CMKLR2: variants seen among roughly 807,000 people sequenced by gnomAD.
CMKLR2 encodes the protein chemerin chemokine-like receptor 2.
CMKLR2 carries 18 observed loss-of-function variants against 23.0 expected under a neutral mutation model. The ratio of observed to expected loss-of-function variants is 0.78; its 90% CI spans 0.54 to 1.16. The LOEUF is 1.16. CMKLR2 is among the 50% of genes most tolerant of loss of function. CMKLR2 has a pLI of 0.00. For missense variants in CMKLR2, 401 were observed against 412.7 expected (o/e 0.97, Z 0.25); for synonymous variants, 158 against 158.9 (o/e 0.99, Z 0.05).
rs112340464 is a variant in CMKLR2, at chr2:206,180,487, C to T, written c.-28-3212G>A. ...TCTGCCACTGTCACCCAGGTCAGAA[C>T]GCAGTGGCACAATCATAGCTCACTG... On this transcript the variant is annotated intron_variant, in intron 1 of 1. Transcript: ENST00000621141. Among the ~76,000 whole-genome samples, 314 of 152,178 alleles carry T rather than the reference C, an allele frequency of 2.1e-3. 1 individual carries two copies. The highest frequency in any genetic ancestry group is 6.7e-3 in the African/African-American group (278 of 41,532).
intron 1 of CMKLR2, among the ~76,000 whole-genome samples, chr2:206,189,342 G>A (rs1352289296): frequency 6.6e-6 from 1 of 152,118 alleles, no homozygotes; most frequent in Non-Finnish European, 1.5e-5. Context: ...ATAACAGGGA[G>A]GAATAGAAAA....
At chr2:206,209,964 T>C (rs1689487830) in intron 1 of CMKLR2, among the ~76,000 whole-genome samples, 1 of 146,356 alleles carries the variant, frequency 6.8e-6, no homozygotes, top group Admixed American at 6.8e-5. Flanking sequence ...TTTCTTTTCT[T>C]TCTTTTTTTT....
chr2:206,207,106 C>A (rs1355493863), intron 1 of CMKLR2, among the ~76,000 whole-genome samples: 1 of 151,102 alleles, frequency 6.6e-6, no homozygotes, highest in African/African-American at 2.4e-5. Context: ...GAGGAGCAAA[C>A]AAGTTCACTA....
intron 1 of CMKLR2, among the ~76,000 whole-genome samples, chr2:206,188,667 A>G (rs180988464): frequency 1.2e-3 from 176 of 152,322 alleles, no homozygotes; most frequent in Non-Finnish European, 1.9e-3. Context: ...GAAGGGACAT[A>G]TTTACTGCAG....
intron 1 of CMKLR2, among the ~76,000 whole-genome samples, chr2:206,208,902 C>G (rs970886125): frequency 6.6e-6 from 1 of 152,148 alleles, no homozygotes; most frequent in African/African-American, 2.4e-5. Context: ...AACTCTTGGG[C>G]TCAAGCAATC....
At chr2:206,204,262 G>A (rs982309434) in intron 1 of CMKLR2, among the ~76,000 whole-genome samples, 3 of 150,140 alleles carry the variant, frequency 2.0e-5, no homozygotes, top group Non-Finnish European at 4.4e-5. Flanking sequence ...GCTGAGGCAG[G>A]AGAATGGTGT....
chr2:206,210,595 G>A (rs539961777), intron 1 of CMKLR2, among the ~76,000 whole-genome samples: 13 of 151,844 alleles, frequency 8.6e-5, no homozygotes, highest in Non-Finnish European at 8.8e-5. Flanking sequence ...AGTAGCTGGG[G>A]TTACAGGCAT....
At chr2:206,205,144 G>A (rs945849236) in intron 1 of CMKLR2, among the ~76,000 whole-genome samples, 12 of 152,096 alleles carry the variant, frequency 7.9e-5, no homozygotes, top group Admixed American at 4.6e-4. Context: ...GTCATAATGT[G>A]GGAAATTAGT....
At chr2:206,193,903 G>A (rs1416674464) in intron 1 of CMKLR2, among the ~76,000 whole-genome samples, 1 of 152,200 alleles carries the variant, frequency 6.6e-6, no homozygotes. Flanking sequence ...CACTGAAGAT[G>A]TTTTGGTTCT....
chr2:206,212,422 G>A lies in CMKLR2; in HGVS notation c.-29+885C>T, dbSNP rs531206413. On this transcript the variant is annotated intron_variant, in intron 1 of 1. Transcript: ENST00000621141. ...TTTTTAACAAGACAAAATTACCATC[G>A]GATTAATTTAACAACAGGTTTGTGG... Among the ~76,000 whole-genome samples, 83 of 150,798 alleles carry A rather than the reference G, an allele frequency of 5.5e-4. 1 individual carries two copies. Among genetic ancestry groups the A allele is most frequent in the African/African-American group, 1.9e-3 (79 of 41,080 alleles).
chr2:206,215,853 G>T (rs1689736749), upstream of CMKLR2, among the ~76,000 whole-genome samples: 2 of 152,164 alleles, frequency 1.3e-5, no homozygotes, highest in African/African-American at 4.8e-5. Context: ...TAAGCTGGTG[G>T]GTCAGTTAAT....
At chr2:206,211,979 C>T (rs914197693) in intron 1 of CMKLR2, among the ~76,000 whole-genome samples, 1 of 152,028 alleles carries the variant, frequency 6.6e-6, no homozygotes, top group East Asian at 1.9e-4. Context: ...TTTGTTTTCT[C>T]TTGCTAATCT....
chr2:206,176,582 C>T lies in CMKLR2; in HGVS notation c.666G>A (p.Met222Ile). ...AGATGAGACACAAGTAGCAAATACT[C>T]ATTGTTAGCAAAGGGAAGAGATAGC... is the stretch of plus-strand genomic sequence containing the variant. The part of the protein sequence containing the change: ...IIGYLFPLLT[M>I]SICYLCLIFK... The change falls in exon 2 of 2, where the codon ATG (methionine) becomes ATA (isoleucine). Residue 222 changes from methionine (M) to isoleucine (I), a missense_variant. By Grantham distance (10) the Met-to-Ile change is conservative. Transcript: ENST00000621141. 3 of 1,614,132 alleles carry T rather than the reference C, an allele frequency of 1.9e-6. No individual in the cohort carries two copies. The highest frequency in any genetic ancestry group is 2.5e-6 in the Non-Finnish European group (3 of 1,180,028).
chr2:206,192,097 C>G (rs1032989217), intron 1 of CMKLR2, among the ~76,000 whole-genome samples: 1 of 151,232 alleles, frequency 6.6e-6, no homozygotes, highest in Admixed American at 6.6e-5. Context: ...CCCACCTCGG[C>G]CTCCCAAAGT....
At position 206,177,000 on chromosome 2, in the gene CMKLR2, T is replaced by A. The variant is rs1688249173; in HGVS notation, c.248A>T (p.Asp83Val). The A allele has an allele frequency of 6.8e-6, 11 of 1,614,098 alleles. No individual in the cohort carries two copies. Among genetic ancestry groups the A allele is most frequent in the Non-Finnish European group, 9.3e-6 (11 of 1,180,024 alleles). ...TLWFLNLAIA[D>V]FIFLLFLPLY... ...GGGCAGAAAGAGAAGAAAAATGAAA[T>A]CCGCAATGGCTAGATTGAGGAACCA... The change falls in exon 2 of 2, where the codon GAT becomes GTT. Residue 83 changes from aspartate to valine, a missense_variant. Coordinates refer to ENST00000621141, the MANE Select transcript of CMKLR2 (RefSeq NM_001389445.1).
At chr2:206,183,558 A>G (rs1178846107) in intron 1 of CMKLR2, among the ~76,000 whole-genome samples, 1 of 152,212 alleles carries the variant, frequency 6.6e-6, no homozygotes, top group Admixed American at 6.6e-5. Context: ...TCTTCCAGGA[A>G]GCAGATGAAC....
Position 206,177,238 on chromosome 2 carries a change from A to C in CMKLR2, c.10T>G (p.Leu4Val). Residue 4 changes from leucine to valine, a missense_variant, in exon 2 of 2, where the codon TTG becomes GTG. Coordinates refer to ENST00000621141, the MANE Select transcript of CMKLR2 (RefSeq NM_001389445.1). ...AATTCTTCAAATAATGTTTCCTCCA[A>C]ATCTTCCATGACCTTGCTAAATGGA... The part of the protein sequence containing the change: MED[L>V]EETLFEEFEN... 1.9e-6 allele frequency: 3 copies of C among 1,593,562 alleles called. No homozygotes were observed. Among genetic ancestry groups the C allele is most frequent in the Non-Finnish European group, 2.6e-6 (3 of 1,165,586 alleles).
chr2:206,212,612 T>C (rs185564128), intron 1 of CMKLR2, among the ~76,000 whole-genome samples: 2 of 152,304 alleles, frequency 1.3e-5, no homozygotes, highest in African/African-American at 4.8e-5. Flanking sequence ...AAAGGAATAA[T>C]TGAATAGCTG....
chr2:206,192,751 G>C (rs1688794454), intron 1 of CMKLR2, among the ~76,000 whole-genome samples: 4 of 151,868 alleles, frequency 2.6e-5, no homozygotes, highest in Admixed American at 2.0e-4. Flanking sequence ...TGAAAATCTT[G>C]ATCATAGTAG....
Sources: allele counts gnomAD v4.1 joint callset (sites outside exome capture counted in the v4.1 genomes callset), GRCh38; gene constraint gnomAD v4.1.1; transcripts MANE v1.5; gene names NCBI Gene and HGNC (gene_info 2026-07-23, HGNC 2026-07-21).